The following QTMAN variants were observed in gnomAD, a reference collection of about 807,000 sequenced individuals.
QTMAN encodes tRNA-queuosine alpha-mannosyltransferase.
the QTMAN span, among the ~76,000 whole-genome samples, chr2:144,037,071 G>T: frequency 2.0e-5 from 3 of 152,138 alleles, no homozygotes; most frequent in Admixed American, 1.3e-4. Flanking sequence ...AATCCAAGGA[G>T]ATAGAACACA....
chr2:144,043,819 TA>T, the QTMAN span, among the ~76,000 whole-genome samples: 1 of 152,132 alleles, frequency 6.6e-6, no homozygotes, highest in African/African-American at 2.4e-5. Context: ...TTGTAGATGG[TA>T]AAAAGCCACA....
At chr2:144,077,815 A>G in the QTMAN span, among the ~76,000 whole-genome samples, 1 of 152,242 alleles carries the variant, frequency 6.6e-6, no homozygotes, top group East Asian at 1.9e-4. Context: ...TTACAACCAT[A>G]GTAAGCAATT....
At chr2:144,263,372 AC>A in the QTMAN span, among the ~76,000 whole-genome samples, 1 of 152,152 alleles carries the variant, frequency 6.6e-6, no homozygotes, top group Non-Finnish European at 1.5e-5. Context: ...GAATAGAGAA[AC>A]AGTGTACCAT....
At chr2:144,005,476 C>G in the QTMAN span, among the ~76,000 whole-genome samples, 1 of 152,026 alleles carries the variant, frequency 6.6e-6, no homozygotes. Context: ...TGACTGCACG[C>G]TAGATTTTCA....
chr2:144,002,464 G>A, the QTMAN span, among the ~76,000 whole-genome samples: 1 of 151,906 alleles, frequency 6.6e-6, no homozygotes, highest in African/African-American at 2.4e-5. Context: ...AGAAACAAGT[G>A]ATAATATTTG....
chr2:144,114,645 T>G, the QTMAN span, among the ~76,000 whole-genome samples: 1 of 152,198 alleles, frequency 6.6e-6, no homozygotes, highest in Non-Finnish European at 1.5e-5. Context: ...AATTTGAGTT[T>G]TATGGGAGTG....
chr2:144,324,210 T>C, the QTMAN span, among the ~76,000 whole-genome samples: 5 of 152,210 alleles, frequency 3.3e-5, no homozygotes, highest in Non-Finnish European at 5.9e-5. Flanking sequence ...AGGAGTGTAT[T>C]ATTTGTATAT....
At chr2:143,948,511 C>A in the QTMAN span, among the ~76,000 whole-genome samples, 4 of 152,138 alleles carry the variant, frequency 2.6e-5, no homozygotes, top group South Asian at 8.3e-4. Context: ...GAATGAAAAT[C>A]TCTTCTGTCA....
the QTMAN span, among the ~76,000 whole-genome samples, chr2:144,127,126 A>G: frequency 2.3e-4 from 35 of 152,158 alleles, no homozygotes; most frequent in African/African-American, 8.4e-4. Flanking sequence ...GACATATAAA[A>G]GAAATACTTA....
the QTMAN span, among the ~76,000 whole-genome samples, chr2:144,069,462 C>T: frequency 4.6e-5 from 7 of 151,976 alleles, no homozygotes; most frequent in Non-Finnish European, 1.0e-4. Context: ...CTAAAAATCC[C>T]AGTCACATTA....
the QTMAN span, among the ~76,000 whole-genome samples, chr2:144,101,612 C>T: frequency 6.6e-6 from 1 of 152,030 alleles, no homozygotes; most frequent in Non-Finnish European, 1.5e-5. Flanking sequence ...AGCTATTCTG[C>T]CTCCCCACAG....
chr2:144,106,948 A>G, the QTMAN span, among the ~76,000 whole-genome samples: 1 of 152,248 alleles, frequency 6.6e-6, no homozygotes, highest in African/African-American at 2.4e-5. Flanking sequence ...CAGGATTAAG[A>G]AACTCACTCA....
At chr2:144,183,828 T>C in the QTMAN span, among the ~76,000 whole-genome samples, 1 of 152,216 alleles carries the variant, frequency 6.6e-6, no homozygotes. Flanking sequence ...ACCAACTTGG[T>C]AGCCTGACTC....
chr2:143,987,235 T>C, the QTMAN span, among the ~76,000 whole-genome samples: 6 of 152,178 alleles, frequency 3.9e-5, no homozygotes, highest in Non-Finnish European at 7.3e-5. Flanking sequence ...AGCCCAAGTG[T>C]AGCCCCAAAC....
At chr2:144,307,985 T>A in the QTMAN span, among the ~76,000 whole-genome samples, 1 of 152,106 alleles carries the variant, frequency 6.6e-6, no homozygotes, top group Non-Finnish European at 1.5e-5. Context: ...ATTCTCTAAT[T>A]GATATGGAAA....
the QTMAN span, among the ~76,000 whole-genome samples, chr2:144,312,385 T>G: frequency 6.6e-6 from 1 of 152,082 alleles, no homozygotes; most frequent in Admixed American, 6.5e-5. Flanking sequence ...TCCCTTCACA[T>G]GGCAAGCAGC....
At chr2:143,963,255 T>C in the QTMAN span, among the ~76,000 whole-genome samples, 1 of 152,282 alleles carries the variant, frequency 6.6e-6, no homozygotes, top group East Asian at 1.9e-4. Context: ...AGTAGATTAC[T>C]GTACTTATAA....
chr2:144,203,150 AGTGTGTGTGTGTGTGT>A, the QTMAN span, among the ~76,000 whole-genome samples: 16 of 145,644 alleles, frequency 1.1e-4, no homozygotes, highest in African/African-American at 3.3e-4. Context: ...TACAATGAAG[AGTGTGTGTGTGTGTGT>A]GTGTGTGTGT....
the QTMAN span, among the ~76,000 whole-genome samples, chr2:144,149,148 G>C: frequency 6.6e-6 from 1 of 151,752 alleles, no homozygotes; most frequent in Non-Finnish European, 1.5e-5. Flanking sequence ...GCTAATCCCT[G>C]GGCTACAAAT....
Sources: allele counts gnomAD v4.1 joint callset (sites outside exome capture counted in the v4.1 genomes callset), GRCh38; gene constraint gnomAD v4.1.1; transcripts MANE v1.5; gene names NCBI Gene and HGNC (gene_info 2026-07-23, HGNC 2026-07-21).